NUP210L: variants seen among roughly 807,000 people sequenced by gnomAD.
The protein encoded by NUP210L is nucleoporin 210 like.
A neutral mutation model predicts 208.5 loss-of-function variants in NUP210L; 74 were observed. That is an observed-to-expected ratio of 0.35 (90% CI 0.29 to 0.43). NUP210L has a LOEUF of 0.43. NUP210L is among the 20% of genes least tolerant of loss of function. NUP210L has a pLI of 1.00. For synonymous variants in NUP210L, 780 were observed against 816.9 expected (o/e 0.95, Z 0.77); for missense variants, 1,843 against 2,289.4 (o/e 0.81, Z 3.98).
At chr1:153,996,894 C>T (rs1649920183) in intron 37 of NUP210L, among the ~76,000 whole-genome samples, 1 of 136,740 alleles carries the variant, frequency 7.3e-6, no homozygotes, top group Non-Finnish European at 1.5e-5. Context: ...GGCTGGAGTG[C>T]AGTGGTGCAG....
intron 4 of NUP210L, among the ~76,000 whole-genome samples, chr1:154,141,028 T>C (rs1223691208): frequency 6.6e-6 from 1 of 151,558 alleles, no homozygotes; most frequent in African/African-American, 2.4e-5. Flanking sequence ...AAGGGATTTA[T>C]GAGCCTCTGG....
intron 29 of NUP210L, 104 bp downstream of exon 29, chr1:154,027,402 G>T: frequency 1.3e-6 from 1 of 765,694 alleles, no homozygotes; most frequent in Admixed American, 2.8e-5. Flanking sequence ...AAAATTATTT[G>T]GGAAAAATCT....
exon 40 of NUP210L, chr1:153,992,819 CT>C: frequency 3.9e-6 from 6 of 1,545,140 alleles, no homozygotes; most frequent in Non-Finnish European, 5.3e-6. Context: ...TTAAGAGAAA[CT>C]TGTCCAAGCA....
intron 4 of NUP210L, among the ~76,000 whole-genome samples, chr1:154,141,077 T>C (rs1367357689): frequency 6.6e-6 from 1 of 151,914 alleles, no homozygotes; most frequent in Non-Finnish European, 1.5e-5. Flanking sequence ...ATCTGAGATC[T>C]ACTCCTTGGT....
intron 27 of NUP210L, among the ~76,000 whole-genome samples, chr1:154,036,605 T>A (rs1249055612): frequency 1.3e-5 from 2 of 151,866 alleles, no homozygotes; most frequent in African/African-American, 4.8e-5. Context: ...CCTCAAGTGA[T>A]CCACCCACCT....
intron 25 of NUP210L, among the ~76,000 whole-genome samples, chr1:154,051,985 C>T (rs756969228): frequency 6.6e-6 from 1 of 152,220 alleles, no homozygotes; most frequent in Non-Finnish European, 1.5e-5. Flanking sequence ...AAGAATGAAC[C>T]TCTCCCTAAA....
chr1:154,008,343 G>C (rs1243085965), intron 35 of NUP210L, among the ~76,000 whole-genome samples: 1 of 151,960 alleles, frequency 6.6e-6, no homozygotes, highest in African/African-American at 2.4e-5. Flanking sequence ...GAGGCTAAGA[G>C]TTTGAGACCA....
At chr1:154,139,683 CAAACA>C in intron 5 of NUP210L, 114 bp downstream of exon 5, 1 of 761,322 alleles carries the variant, frequency 1.3e-6, no homozygotes, top group East Asian at 2.9e-5. Flanking sequence ...AACAAACAAA[CAAACA>C]AAAAAAAAAA....
At chr1:154,129,999 A>C (rs1048115564) in intron 7 of NUP210L, among the ~76,000 whole-genome samples, 2 of 152,164 alleles carry the variant, frequency 1.3e-5, no homozygotes, top group Non-Finnish European at 2.9e-5. Context: ...TGTTCTCAAA[A>C]ATATACTACA....
At chr1:154,073,870 A>G (rs896090015) in intron 16 of NUP210L, among the ~76,000 whole-genome samples, 10 of 150,502 alleles carry the variant, frequency 6.6e-5, no homozygotes, top group Non-Finnish European at 1.0e-4. Context: ...ATTCAATGGT[A>G]TACTGGAGCA....
intron 17 of NUP210L, among the ~76,000 whole-genome samples, chr1:154,066,656 GT>G (rs955880148): frequency 6.6e-5 from 10 of 151,972 alleles, no homozygotes; most frequent in African/African-American, 2.4e-4. Context: ...CCAGGAGCTG[GT>G]TTTTTTGAAA....
chr1:154,125,611 G>T (rs1657855841), intron 10 of NUP210L, among the ~76,000 whole-genome samples: 1 of 103,586 alleles, frequency 9.7e-6, no homozygotes, highest in South Asian at 3.5e-4. Flanking sequence ...GATGAAATGA[G>T]GCCCTCTCTG....
At chr1:154,107,439 A>T (rs1656823335) in intron 12 of NUP210L, among the ~76,000 whole-genome samples, 1 of 149,130 alleles carries the variant, frequency 6.7e-6, no homozygotes, top group South Asian at 2.1e-4. Context: ...GCACCACTGC[A>T]CTCCAGCCTG....
At chr1:154,062,560 CT>C (rs1654192625) in intron 17 of NUP210L, among the ~76,000 whole-genome samples, 1 of 114,208 alleles carries the variant, frequency 8.8e-6, no homozygotes, top group East Asian at 2.6e-4. Flanking sequence ...TCTCTCTTTT[CT>C]TTTTCCTTTT....
At chr1:154,073,171 A>T (rs1363289190) in intron 16 of NUP210L, among the ~76,000 whole-genome samples, 2 of 152,244 alleles carry the variant, frequency 1.3e-5, no homozygotes, top group African/African-American at 2.4e-5. Flanking sequence ...ATATGAAAAA[A>T]TGCTCAGCAT....
chr1:154,084,944 C>G (rs1255873002), intron 16 of NUP210L, among the ~76,000 whole-genome samples: 1 of 147,130 alleles, frequency 6.8e-6, no homozygotes, highest in Admixed American at 6.7e-5. Flanking sequence ...CAATGAGTTA[C>G]CAGCCACAGT....
chr1:154,052,068 T>C (rs1167241370), intron 25 of NUP210L, among the ~76,000 whole-genome samples: 2 of 152,200 alleles, frequency 1.3e-5, no homozygotes, highest in African/African-American at 2.4e-5. Context: ...TCTAGCATTA[T>C]TGACTTTAAA....
intron 27 of NUP210L, among the ~76,000 whole-genome samples, chr1:154,037,597 G>A (rs895710220): frequency 5.9e-5 from 9 of 151,940 alleles, no homozygotes; most frequent in Non-Finnish European, 1.0e-4. Flanking sequence ...GTTTATTGTA[G>A]GCAACAGATT....
At chr1:154,081,071 T>C (rs1655298782) in intron 16 of NUP210L, among the ~76,000 whole-genome samples, 1 of 148,966 alleles carries the variant, frequency 6.7e-6, no homozygotes, top group African/African-American at 2.5e-5. Context: ...AGAAAACAAA[T>C]AGCAAAATGG....
Sources: gnomAD v4.1 joint callset for allele counts (sites outside exome capture counted in the v4.1 genomes callset) on GRCh38, gnomAD v4.1.1 for gene constraint, MANE v1.5 for transcripts, NCBI Gene and HGNC (gene_info 2026-07-23, HGNC 2026-07-21) for gene names.